Variants in RIOK1 observed in about 807,000 individuals in gnomAD.
RIOK1 encodes RIO kinase 1.
RIOK1 carries 66 observed loss-of-function variants against 73.5 expected under a neutral mutation model. The observed-to-expected ratio is 0.90, with a 90% CI of 0.74 to 1.10. The LOEUF is 1.10. Ranked by LOEUF, RIOK1 falls within the 50% of genes least tolerant of loss-of-function variation. RIOK1 has a pLI of 0.00. For missense variants in RIOK1, 658 were observed against 699.8 expected, an observed-to-expected ratio of 0.94 and a Z score of 0.67; for synonymous variants, 224 against 226.8, an observed-to-expected ratio of 0.99 and a Z score of 0.11.
intron 11 of RIOK1, 64 bp downstream of exon 11, chr6:7,405,085 G>A: frequency 7.2e-7 from 1 of 1,380,828 alleles, no homozygotes; most frequent in Non-Finnish European, 1.0e-6. Context: ...ACTCAGTTAA[G>A]CTGTTGGCGT....
intron 4 of RIOK1, among the ~76,000 whole-genome samples, chr6:7,397,667 A>G (rs190084513): frequency 4.4e-4 from 67 of 152,342 alleles, no homozygotes; most frequent in Admixed American, 3.7e-3. Context: ...ATTTATTGCT[A>G]TGTCCAAGAG....
At chr6:7,393,996 C>CA (rs1471229687) in intron 2 of RIOK1, among the ~76,000 whole-genome samples, 1 of 151,940 alleles carries the variant, frequency 6.6e-6, no homozygotes, top group Non-Finnish European at 1.5e-5. Flanking sequence ...TTACCATGTA[C>CA]AAAAAAAAGT....
At chr6:7,410,885 T>G (rs1761869341) in intron 13 of RIOK1, among the ~76,000 whole-genome samples, 1 of 152,210 alleles carries the variant, frequency 6.6e-6, no homozygotes, top group Non-Finnish European at 1.5e-5. Context: ...TTCTCACAAC[T>G]CTTAATGGTT....
chr6:7,395,840 G>GCTAGGA (rs1416338877), intron 3 of RIOK1, among the ~76,000 whole-genome samples: 1 of 151,852 alleles, frequency 6.6e-6, no homozygotes, highest in Non-Finnish European at 1.5e-5. Context: ...CTCCCAAGTA[G>GCTAGGA]CTAGGACCAC....
chr6:7,401,140 GAAGA>G, intron 6 of RIOK1, 90 bp downstream of exon 6: 2 of 785,804 alleles, frequency 2.5e-6, no homozygotes, highest in South Asian at 3.1e-5. Flanking sequence ...ATGCCTTTAA[GAAGA>G]AAGAAAAACA....
At chr6:7,395,425 A>G (rs1761448485) in intron 3 of RIOK1, among the ~76,000 whole-genome samples, 1 of 151,764 alleles carries the variant, frequency 6.6e-6, no homozygotes, top group African/African-American at 2.4e-5. Flanking sequence ...AGGCAGGAGA[A>G]TCCCTTGAAC....
chr6:7,397,496 GT>G (rs1373972206), intron 4 of RIOK1, among the ~76,000 whole-genome samples: 1 of 152,114 alleles, frequency 6.6e-6, no homozygotes, highest in Non-Finnish European at 1.5e-5. Flanking sequence ...ACTGAGAACT[GT>G]TTCTGTTTAC....
At chr6:7,410,138 AAG>A (rs1761852181) in intron 12 of RIOK1, among the ~76,000 whole-genome samples, 1 of 152,196 alleles carries the variant, frequency 6.6e-6, no homozygotes, top group Non-Finnish European at 1.5e-5. Flanking sequence ...ACTTTTGAAA[AAG>A]GGGGGCTAGG....
intron 12 of RIOK1, among the ~76,000 whole-genome samples, chr6:7,405,682 T>A (rs1761726388): frequency 6.6e-6 from 1 of 152,156 alleles, no homozygotes; most frequent in Non-Finnish European, 1.5e-5. Context: ...CATAGTGTAG[T>A]TTATTCATTT....
At chr6:7,391,038 G>A (rs1273912670) in intron 1 of RIOK1, among the ~76,000 whole-genome samples, 2 of 152,178 alleles carry the variant, frequency 1.3e-5, no homozygotes, top group Admixed American at 6.5e-5. Context: ...TGGACGTGGA[G>A]TCTGGGGAAA....
chr6:7,411,579 C>A, intron 14 of RIOK1, 128 bp downstream of exon 14: 1 of 963,212 alleles, frequency 1.0e-6, no homozygotes, highest in Non-Finnish European at 1.6e-6. Context: ...AAATGACTAA[C>A]TCTATCTGTG....
intron 5 of RIOK1, among the ~76,000 whole-genome samples, chr6:7,400,237 G>T (rs1761576345): frequency 6.6e-6 from 1 of 152,168 alleles, no homozygotes; most frequent in African/African-American, 2.4e-5. Context: ...TAATAAATAT[G>T]TGTGAGCATT....
At position 7,411,398 on chromosome 6, in the gene RIOK1, A is replaced by G. The variant is rs913198739; in HGVS notation, c.1336A>G (p.Ile446Val). 7.4e-6 allele frequency: 12 copies of G among 1,613,902 alleles called. No individual in the cohort carries two copies. The highest frequency in any genetic ancestry group is 5.3e-5 in the African/African-American group (4 of 74,938). Residue 446 changes from isoleucine to valine, a missense_variant, in exon 14 of 17, where the codon ATA becomes GTA. Transcript: ENST00000379834. ...GAAAAATTATGAGAGGGATATGGAC[A>G]TAATTATGAAATTGAAGGAAGAGGA... is the stretch of plus-strand genomic sequence containing the variant. The part of the protein sequence containing the change: ...EVKNYERDMD[I>V]IMKLKEEDMA...
chr6:7,414,405 A>G lies in RIOK1; in HGVS notation c.1596+15A>G. On this transcript the variant is annotated intron_variant, in intron 16 of 16. Coordinates refer to ENST00000379834, the MANE Select transcript of RIOK1 (RefSeq NM_031480.3). ...TTGATAAAAAAGTAAGCAATGAAAT[A>G]CCTTCCCCTTTTCTTTAGTGTGGGA... 6.3e-7 allele frequency: 1 copy of G among 1,592,788 alleles called. No homozygotes were observed. The highest frequency in any genetic ancestry group is 8.5e-7 in the Non-Finnish European group (1 of 1,171,852).
chr6:7,393,403 T>G lies in RIOK1; in HGVS notation c.276+100T>G. 4 of 967,478 alleles carry G rather than the reference T, an allele frequency of 4.1e-6. No individual in the cohort carries two copies. The South Asian group carries it at 4.3e-5, about 10-fold the overall frequency. The allele number at this position is 967,478 out of a possible 1,614,324, so 59.9% of individuals were successfully genotyped here. On this transcript the variant is annotated intron_variant, in intron 2 of 16. Coordinates refer to ENST00000379834, the MANE Select transcript of RIOK1 (RefSeq NM_031480.3). ...TCTGAAATTGAATAACTAAAAGATTTTCTTCATGTTATATTGTCCTGTAGC... is the reference window on the plus strand; with the variant it reads ...TCTGAAATTGAATAACTAAAAGATTGTCTTCATGTTATATTGTCCTGTAGC...
rs1426011748 is a variant in RIOK1 at position 7,395,044 on chromosome 6, C to T, written c.277-9C>T. On this transcript the variant is annotated splice_polypyrimidine_tract_variant and intron_variant, in intron 2 of 16. Transcript: ENST00000379834. ...AGCTAGTGCCTTAGACTCTGGAATT[C>T]CCTTCTAGGCAAATCGACAGACCTC... 6.2e-7 allele frequency: 1 copy of T among 1,613,532 alleles called. No homozygotes were observed. Among genetic ancestry groups the T allele is most frequent in the Non-Finnish European group, 8.5e-7 (1 of 1,179,688 alleles).
At chr6:7,416,564 C>T (rs1274290139) in intron 16 of RIOK1, among the ~76,000 whole-genome samples, 2 of 149,262 alleles carry the variant, frequency 1.3e-5, no homozygotes, top group African/African-American at 4.9e-5. Flanking sequence ...AGGAGAATGG[C>T]GTGAACCCAG....
chr6:7,408,636 T>C (rs1761807841), intron 12 of RIOK1, among the ~76,000 whole-genome samples: 1 of 152,186 alleles, frequency 6.6e-6, no homozygotes, highest in Non-Finnish European at 1.5e-5. Flanking sequence ...TGGCCCATAG[T>C]AGGCAATCAC....
At chr6:7,396,892 GGT>G (rs150425917) in intron 4 of RIOK1, 120 bp downstream of exon 4, 6,230 of 412,196 alleles carry the variant, frequency 0.015, 1 homozygote, top group Non-Finnish European at 0.017. Context: ...TCATTATTTT[GGT>G]GTGTGTGTGT....
Sources: gnomAD v4.1 joint callset for allele counts (sites outside exome capture counted in the v4.1 genomes callset) on GRCh38, gnomAD v4.1.1 for gene constraint, MANE v1.5 for transcripts, NCBI Gene and HGNC (gene_info 2026-07-23, HGNC 2026-07-21) for gene names.